GRIP1: variants seen among roughly 807,000 people sequenced by gnomAD.
GRIP1 encodes the protein glutamate receptor interacting protein 1, also known as glutamate receptor-interacting protein 1.
Under a neutral mutation model 129.9 loss-of-function variants are expected in GRIP1, and 45 were observed. The ratio of observed to expected loss-of-function variants is 0.35; its 90% CI spans 0.27 to 0.44. GRIP1 has a LOEUF of 0.44. Ranked by LOEUF, GRIP1 falls within the 20% of genes least tolerant of loss-of-function variation. GRIP1 has a pLI of 1.00. For synonymous variants in GRIP1, 530 were observed against 520.8 expected, an observed-to-expected ratio of 1.02 and a Z score of -0.24; for missense variants, 1,196 against 1,396.8, an observed-to-expected ratio of 0.86 and a Z score of 2.29.
At chr12:66,562,199 TAACTC>T (rs754426889) in intron 2 of GRIP1, among the ~76,000 whole-genome samples, 5 of 152,216 alleles carry the variant, frequency 3.3e-5, no homozygotes, top group Admixed American at 6.5e-5. Context: ...ACTTATTAAA[TAACTC>T]AAAGCACATG....
chr12:66,358,508 G>A (rs1319966243), intron 23 of GRIP1, among the ~76,000 whole-genome samples: 10 of 151,880 alleles, frequency 6.6e-5, no homozygotes, highest in African/African-American at 1.5e-4. Flanking sequence ...ATGCAGTGGC[G>A]CGATCTCGGC....
intron 15 of GRIP1, among the ~76,000 whole-genome samples, chr12:66,413,313 CACT>C (rs1351179028): frequency 3.3e-5 from 5 of 152,154 alleles, no homozygotes; most frequent in African/African-American, 1.2e-4. Context: ...CTCTAAACCA[CACT>C]ACTACTTGGA....
intron 11 of GRIP1, among the ~76,000 whole-genome samples, chr12:66,448,204 G>A (rs1192911663): frequency 5.3e-5 from 8 of 151,902 alleles, no homozygotes; most frequent in Non-Finnish European, 1.2e-4. Flanking sequence ...AAAATTGAGC[G>A]AATCCTCTTC....
intron 1 of GRIP1, among the ~76,000 whole-genome samples, chr12:66,800,209 C>T (rs1397664382): frequency 1.3e-5 from 2 of 152,168 alleles, no homozygotes; most frequent in Non-Finnish European, 1.5e-5. Context: ...CTCCCTCTCT[C>T]CAGTTTCCCT....
At chr12:66,377,870 T>G (rs1386745304) in intron 20 of GRIP1, among the ~76,000 whole-genome samples, 2 of 152,014 alleles carry the variant, frequency 1.3e-5, no homozygotes, top group Non-Finnish European at 2.9e-5. Context: ...TGCAGCCACA[T>G]GGCCCTGTTG....
chr12:66,347,592 A>ATACTT lies in GRIP1; in HGVS notation c.*1422_*1426dup, dbSNP rs886049788. The stretch of plus-strand genomic sequence containing the variant: ...ATTAAAGTATTAAATTTGTACAAAA[A>ATACTT]TACTTTACAGTTTAATACTTGTTTG... On this transcript the variant is annotated 3_prime_UTR_variant, in exon 25 of 25. Coordinates refer to ENST00000359742, the MANE Select transcript of GRIP1 (RefSeq NM_001366722.1). 10 of 152,376 alleles carry ATACTT rather than the reference A, an allele frequency of 6.6e-5. No individual in the cohort carries two copies. Among genetic ancestry groups the ATACTT allele is most frequent in the Admixed American group, 2.0e-4 (3 of 15,310 alleles). The allele number at this position is 152,376 out of a possible 1,614,324, so 9.4% of individuals were successfully genotyped here.
chr12:66,729,600 G>A (rs1365553473), intron 1 of GRIP1, among the ~76,000 whole-genome samples: 1 of 152,070 alleles, frequency 6.6e-6, no homozygotes, highest in East Asian at 1.9e-4. Context: ...TTGAGACGGA[G>A]TCTTGCTCTG....
At chr12:66,900,549 A>G (rs1004025719) in intron 1 of GRIP1, among the ~76,000 whole-genome samples, 3 of 152,170 alleles carry the variant, frequency 2.0e-5, no homozygotes, top group African/African-American at 7.2e-5. Flanking sequence ...AAACAGACAC[A>G]TACACTGCTA....
At chr12:66,948,783 A>G (rs994214176) in intron 1 of GRIP1, among the ~76,000 whole-genome samples, 2 of 152,346 alleles carry the variant, frequency 1.3e-5, no homozygotes, top group African/African-American at 4.8e-5. Context: ...TAGAGATTCT[A>G]TCTTTTCTTC....
chr12:67,049,845 T>C (rs186088643), intron 1 of GRIP1, among the ~76,000 whole-genome samples: 1 of 152,242 alleles, frequency 6.6e-6, no homozygotes, highest in East Asian at 1.9e-4. Context: ...TAACATAATT[T>C]ATAAAACAAT....
chr12:67,025,292 G>C (rs1221782910), intron 1 of GRIP1, among the ~76,000 whole-genome samples: 2 of 152,220 alleles, frequency 1.3e-5, no homozygotes, highest in African/African-American at 4.8e-5. Context: ...AGTAAGCTGA[G>C]ATCACGCCAC....
chr12:66,998,026 G>A (rs957222461), intron 1 of GRIP1, among the ~76,000 whole-genome samples: 5 of 152,154 alleles, frequency 3.3e-5, no homozygotes, highest in Non-Finnish European at 7.3e-5. Context: ...GACAAACTGA[G>A]TTTGAATTTT....
chr12:66,936,353 G>A (rs2041483981), intron 1 of GRIP1, among the ~76,000 whole-genome samples: 1 of 150,700 alleles, frequency 6.6e-6, no homozygotes, highest in African/African-American at 2.4e-5. Context: ...TTGAGCCCAG[G>A]AGGTAGAGGC....
At chr12:66,827,151 G>C (rs529819892) in intron 1 of GRIP1, among the ~76,000 whole-genome samples, 1 of 152,184 alleles carries the variant, frequency 6.6e-6, no homozygotes, top group South Asian at 2.1e-4. Flanking sequence ...TGTGGGTCCG[G>C]AGTCTTGACA....
At chr12:66,785,382 C>A (rs2038307182) in intron 1 of GRIP1, among the ~76,000 whole-genome samples, 1 of 102,016 alleles carries the variant, frequency 9.8e-6, no homozygotes, top group African/African-American at 3.3e-5. Context: ...CATGGTAGCA[C>A]TTTCCTATAG....
intron 3 of GRIP1, among the ~76,000 whole-genome samples, chr12:66,540,782 A>G (rs553915073): frequency 2.4e-4 from 36 of 151,750 alleles, no homozygotes; most frequent in African/African-American, 7.7e-4. Flanking sequence ...TTTATTTTTT[A>G]TTTTTACTTA....
chr12:66,468,449 A>G (rs1396127918), intron 7 of GRIP1, among the ~76,000 whole-genome samples: 1 of 152,192 alleles, frequency 6.6e-6, no homozygotes, highest in African/African-American at 2.4e-5. Context: ...AGGCCTTTTC[A>G]TTTGAGAGGA....
At position 66,778,201 on chromosome 12, in the gene GRIP1, C is replaced by A. The variant is rs768916758; in HGVS notation, c.-420+25852G>T. Among the ~76,000 whole-genome samples the A allele has an allele frequency of 4.6e-5, 7 of 152,170 alleles. No homozygotes were observed. The South Asian group carries it at 8.3e-4, about 18-fold the overall frequency. On this transcript the variant is annotated intron_variant, in intron 1 of 4. Coordinates refer to the GRIP1 transcript ENST00000538373. The stretch of plus-strand genomic sequence containing the variant: ...ACAGTAGAATATACAATCATATATG[C>A]AGCTTGAATTTGTGATTTGTATTAT...
chr12:66,514,814 A>G (rs867854872), intron 7 of GRIP1, among the ~76,000 whole-genome samples: 3 of 152,262 alleles, frequency 2.0e-5, no homozygotes, highest in Middle Eastern at 3.4e-3. Flanking sequence ...TTATAGAGTA[A>G]GCCTCTTTTT....
Sources: gnomAD v4.1 joint callset for allele counts (sites outside exome capture counted in the v4.1 genomes callset) on GRCh38, gnomAD v4.1.1 for gene constraint, MANE v1.5 for transcripts, NCBI Gene and HGNC (gene_info 2026-07-23, HGNC 2026-07-21) for gene names.